PPARGC1A: variants seen among roughly 807,000 people sequenced by gnomAD.
The protein encoded by PPARGC1A is PPARG coactivator 1 alpha, also known as peroxisome proliferator-activated receptor gamma coactivator 1-alpha.
In PPARGC1A, 25 loss-of-function variants were observed where a neutral mutation model predicts 88.7. The observed-to-expected ratio is 0.28, with a 90% CI of 0.21 to 0.39. PPARGC1A has a LOEUF of 0.39. Among genes scored for constraint, PPARGC1A ranks in the 10% least tolerant of loss-of-function variants. PPARGC1A has a pLI of 1.00. For synonymous variants in PPARGC1A, 363 were observed against 355.6 expected, an observed-to-expected ratio of 1.02 and a Z score of -0.24; for missense variants, 880 against 968.7, an observed-to-expected ratio of 0.91 and a Z score of 1.22.
At chr4:23,956,514 C>T in the PPARGC1A span, among the ~76,000 whole-genome samples, 1 of 152,010 alleles carries the variant, frequency 6.6e-6, no homozygotes, top group East Asian at 1.9e-4. Context: ...GAGCCCCCTC[C>T]TCCCATTCTT....
chr4:24,384,462 T>A, the PPARGC1A span, among the ~76,000 whole-genome samples: 1 of 148,980 alleles, frequency 6.7e-6, no homozygotes, highest in East Asian at 2.0e-4. Flanking sequence ...TCAAGACCTA[T>A]CAATGTGCTG....
chr4:24,141,577 T>C, the PPARGC1A span, among the ~76,000 whole-genome samples: 5 of 152,230 alleles, frequency 3.3e-5, no homozygotes, highest in African/African-American at 9.6e-5. Flanking sequence ...AGGAAGGCCC[T>C]AGGGAAAATG....
the PPARGC1A span, among the ~76,000 whole-genome samples, chr4:24,171,129 C>T: frequency 6.6e-6 from 1 of 152,046 alleles, no homozygotes; most frequent in Non-Finnish European, 1.5e-5. Flanking sequence ...TTAAGTGTCC[C>T]GGCCAGGCGC....
the PPARGC1A span, among the ~76,000 whole-genome samples, chr4:23,915,748 A>G: frequency 6.6e-6 from 1 of 152,220 alleles, no homozygotes; most frequent in African/African-American, 2.4e-5. Flanking sequence ...AGTCCCATAA[A>G]TAAATTACAC....
chr4:23,836,745 C>T (rs1726091122), intron 2 of PPARGC1A, among the ~76,000 whole-genome samples: 1 of 152,070 alleles, frequency 6.6e-6, no homozygotes, highest in Non-Finnish European at 1.5e-5. Context: ...AATTCTGAAC[C>T]CAGTTTGTAA....
the PPARGC1A span, among the ~76,000 whole-genome samples, chr4:24,241,207 T>A: frequency 3.3e-5 from 5 of 152,020 alleles, no homozygotes. Flanking sequence ...ATCACTCTTT[T>A]ACAAAATATC....
At chr4:24,397,281 T>C in the PPARGC1A span, among the ~76,000 whole-genome samples, 11 of 152,238 alleles carry the variant, frequency 7.2e-5, no homozygotes, top group East Asian at 1.4e-3. Flanking sequence ...ACCGGCCAAT[T>C]TTCCTGAAAA....
chr4:24,441,156 T>C, the PPARGC1A span, among the ~76,000 whole-genome samples: 1 of 152,326 alleles, frequency 6.6e-6, no homozygotes, highest in East Asian at 1.9e-4. Context: ...TGGTGGGGAC[T>C]GTGACAAAGG....
intron 2 of PPARGC1A, chr4:23,882,957 C>T (rs1425680835): frequency 6.6e-6 from 1 of 152,028 alleles, no homozygotes; most frequent in East Asian, 1.9e-4. Flanking sequence ...TCTCTAGCCT[C>T]TACAAAATGC....
chr4:24,087,619 CAAGTG>C, the PPARGC1A span, among the ~76,000 whole-genome samples: 19 of 152,320 alleles, frequency 1.2e-4, no homozygotes, highest in Non-Finnish European at 2.1e-4. Flanking sequence ...CCTCGGTTTA[CAAGTG>C]AAGAAGCCAG....
At chr4:23,908,858 A>T (rs1374479002), upstream of PPARGC1A, among the ~76,000 whole-genome samples, 2 of 152,208 alleles carry the variant, frequency 1.3e-5, no homozygotes, top group Non-Finnish European at 2.9e-5. Context: ...GAATGTGTGT[A>T]TCTGCAAATG....
chr4:23,852,305 G>A (rs959725236), intron 2 of PPARGC1A, among the ~76,000 whole-genome samples: 2 of 152,118 alleles, frequency 1.3e-5, no homozygotes, highest in Admixed American at 1.3e-4. Flanking sequence ...TTATTGAACC[G>A]CAAATTGTAT....
chr4:23,856,175 G>C (rs566998436), intron 2 of PPARGC1A, among the ~76,000 whole-genome samples: 1 of 152,118 alleles, frequency 6.6e-6, no homozygotes, highest in Admixed American at 6.5e-5. Context: ...TGAGCTTCCT[G>C]ACTTTCCAGA....
the PPARGC1A span, among the ~76,000 whole-genome samples, chr4:24,209,156 C>T: frequency 6.6e-6 from 1 of 152,168 alleles, no homozygotes; most frequent in South Asian, 2.1e-4. Flanking sequence ...GGTTTCATCA[C>T]TGAACAGCTA....
chr4:24,282,827 A>G, the PPARGC1A span, among the ~76,000 whole-genome samples: 8 of 152,230 alleles, frequency 5.3e-5, no homozygotes, highest in East Asian at 1.5e-3. Context: ...TTTTTCTTCC[A>G]TACACACCTG....
chr4:24,093,648 C>G, the PPARGC1A span, among the ~76,000 whole-genome samples: 24 of 152,318 alleles, frequency 1.6e-4, no homozygotes, highest in Admixed American at 1.4e-3. Flanking sequence ...AAATCCTTAT[C>G]AACAGCATCC....
chr4:24,179,789 A>T, the PPARGC1A span, among the ~76,000 whole-genome samples: 52 of 152,238 alleles, frequency 3.4e-4, 1 homozygote, highest in Non-Finnish European at 1.3e-4. Context: ...TGTACTTCAG[A>T]TAGTCAAGGC....
At chr4:23,960,166 G>A in the PPARGC1A span, among the ~76,000 whole-genome samples, 1 of 152,126 alleles carries the variant, frequency 6.6e-6, no homozygotes, top group Non-Finnish European at 1.5e-5. Flanking sequence ...TAGATAGGAA[G>A]GTCTAAATAT....
the PPARGC1A span, among the ~76,000 whole-genome samples, chr4:23,927,397 C>T: frequency 6.6e-6 from 1 of 152,094 alleles, no homozygotes; most frequent in African/African-American, 2.4e-5. Flanking sequence ...ATAAAAGCCT[C>T]CTATATATTT....
Sources: gnomAD v4.1 joint callset for allele counts (sites outside exome capture counted in the v4.1 genomes callset) on GRCh38, gnomAD v4.1.1 for gene constraint, MANE v1.5 for transcripts, NCBI Gene and HGNC (gene_info 2026-07-23, HGNC 2026-07-21) for gene names.